TULP4: variants seen among roughly 807,000 people sequenced by gnomAD.
The protein encoded by TULP4 is TUB like protein 4, also known as tubby-related protein 4.
TULP4 carries 16 observed loss-of-function variants against 129.0 expected under a neutral mutation model. That is an observed-to-expected ratio of 0.12 (90% CI 0.08 to 0.19). TULP4 has a LOEUF of 0.19. TULP4 is among the 10% of genes least tolerant of loss of function. The pLI is 1.00. For missense variants in TULP4, 1,842 were observed against 2,059.1 expected (o/e 0.89, Z 2.04); for synonymous variants, 998 against 854.0 (o/e 1.17, Z -2.94).
intron 1 of TULP4, among the ~76,000 whole-genome samples, chr6:158,336,315 G>C (rs7755420): frequency 0.86 from 131,092 of 152,246 alleles, 56,873 homozygotes; most frequent in South Asian, 0.93. Flanking sequence ...ATGTATATTG[G>C]AGACAGTAAT....
chr6:158,365,148 C>T (rs546255832), intron 1 of TULP4, among the ~76,000 whole-genome samples: 12 of 152,054 alleles, frequency 7.9e-5, no homozygotes, highest in Non-Finnish European at 1.5e-4. Flanking sequence ...ATTGCCTCCC[C>T]ACCACTCCTT....
intron 2 of TULP4, among the ~76,000 whole-genome samples, chr6:158,414,645 G>A (rs753364046): frequency 5.6e-4 from 85 of 152,212 alleles, no homozygotes; most frequent in Non-Finnish European, 8.1e-4. Flanking sequence ...GAGTTGGCCT[G>A]TAAAGGTTCT....
intron 3 of TULP4, among the ~76,000 whole-genome samples, chr6:158,439,700 C>CTTTTTTTTTT (rs71030170): frequency 1.6e-4 from 11 of 68,248 alleles, no homozygotes; most frequent in African/African-American, 2.4e-4. Context: ...ACTAGAGTTT[C>CTTTTTTTTTT]TTTTTTTTTT....
intron 6 of TULP4, among the ~76,000 whole-genome samples, chr6:158,471,487 G>A (rs976422302): frequency 5.9e-5 from 9 of 152,236 alleles, no homozygotes; most frequent in Non-Finnish European, 1.2e-4. Context: ...ATGACCTGAG[G>A]CTAGGAAGTG....
At chr6:158,446,345 A>G (rs537670160) in intron 3 of TULP4, among the ~76,000 whole-genome samples, 15 of 152,144 alleles carry the variant, frequency 9.9e-5, no homozygotes, top group African/African-American at 3.1e-4. Flanking sequence ...TTGTCTTCCT[A>G]TGGGAACTGT....
chr6:158,378,485 T>TTTTGTG (rs1554285635), intron 1 of TULP4, among the ~76,000 whole-genome samples: 1 of 51,288 alleles, frequency 1.9e-5, no homozygotes, highest in Non-Finnish European at 3.9e-5. Context: ...TTTTTTTTTT[T>TTTTGTG]GGTGGGGGTG....
intron 8 of TULP4, among the ~76,000 whole-genome samples, chr6:158,484,916 G>A (rs1362127201): frequency 6.6e-6 from 1 of 152,348 alleles, no homozygotes; most frequent in South Asian, 2.1e-4. Context: ...TACAGATTTT[G>A]GATCCAGGAA....
intron 1 of TULP4, among the ~76,000 whole-genome samples, chr6:158,266,217 T>G (rs923295694): frequency 1.3e-5 from 2 of 152,228 alleles, no homozygotes; most frequent in Non-Finnish European, 2.9e-5. Flanking sequence ...TAAAGTGGTT[T>G]TCATAATTAT....
intron 1 of TULP4, among the ~76,000 whole-genome samples, chr6:158,376,940 C>T (rs1193901120): frequency 1.3e-5 from 2 of 152,192 alleles, no homozygotes; most frequent in Non-Finnish European, 2.9e-5. Context: ...ACAGCAACTG[C>T]CTACCTCGAG....
chr6:158,373,321 C>T (rs969636232), intron 1 of TULP4, among the ~76,000 whole-genome samples: 10 of 152,180 alleles, frequency 6.6e-5, no homozygotes, highest in African/African-American at 2.4e-4. Flanking sequence ...GTGACTTGCT[C>T]CCACTGCACT....
At chr6:158,369,876 A>G (rs1435827383) in intron 1 of TULP4, among the ~76,000 whole-genome samples, 4 of 152,246 alleles carry the variant, frequency 2.6e-5, no homozygotes, top group African/African-American at 7.2e-5. Context: ...TACCATGTAC[A>G]TGAGATGCAC....
chr6:158,274,551 C>T (rs952556527), intron 1 of TULP4, among the ~76,000 whole-genome samples: 4 of 151,806 alleles, frequency 2.6e-5, no homozygotes, highest in Admixed American at 2.0e-4. Flanking sequence ...CCAAGGCGGG[C>T]GGATCATGAG....
At chr6:158,354,259 T>C (rs1193046095) in intron 1 of TULP4, among the ~76,000 whole-genome samples, 1 of 152,178 alleles carries the variant, frequency 6.6e-6, no homozygotes, top group Non-Finnish European at 1.5e-5. Flanking sequence ...AGTGAACTAA[T>C]AAGGATAGAA....
intron 10 of TULP4, 99 bp from the exon 11 acceptor site, chr6:158,494,640 TTGCAGTGCACACTC>T: frequency 1.1e-6 from 1 of 950,944 alleles, no homozygotes; most frequent in Non-Finnish European, 1.6e-6. Context: ...TGGGTGTTTC[TTGCAGTGCACACTC>T]GTGGCTTAAG....
chr6:158,275,768 G>A (rs545962053), intron 1 of TULP4, among the ~76,000 whole-genome samples: 1 of 152,268 alleles, frequency 6.6e-6, no homozygotes, highest in East Asian at 1.9e-4. Context: ...CAATAACTTA[G>A]CAAATTAAGA....
intron 2 of TULP4, among the ~76,000 whole-genome samples, chr6:158,416,139 C>G (rs1778204157): frequency 6.6e-6 from 1 of 152,228 alleles, no homozygotes. Flanking sequence ...ATTCTTCCAT[C>G]TTCTCCTTCC....
chr6:158,323,220 G>A (rs1779676740), intron 1 of TULP4, among the ~76,000 whole-genome samples: 1 of 152,174 alleles, frequency 6.6e-6, no homozygotes, highest in African/African-American at 2.4e-5. Context: ...TGACTATACT[G>A]TGAAATGTTT....
intron 1 of TULP4, among the ~76,000 whole-genome samples, chr6:158,334,522 G>A (rs1386758352): frequency 2.9e-4 from 44 of 152,180 alleles, no homozygotes; most frequent in Admixed American, 2.9e-3. Flanking sequence ...ATCAGCAATA[G>A]ACATGAGTAA....
In TULP4 at chr6:158,502,931, G is replaced by A; in HGVS notation, c.3268G>A (p.Glu1090Lys). Residue 1090 changes from glutamate (E) to lysine (K), a missense_variant, in exon 13 of 14, where the codon GAG (glutamate) becomes AAG (lysine). Glu to Lys is a moderately conservative substitution (Grantham distance 56). Coordinates refer to ENST00000367097, the MANE Select transcript of TULP4 (RefSeq NM_020245.5). ...RTDYVNSAFT[E>K]DEALSQHCQL... ...CGACTACGTCAACTCGGCCTTCACGGAGGACGAGGCCCTGTCCCAGCACTG... is the reference window on the plus strand; with the variant it reads ...CGACTACGTCAACTCGGCCTTCACGAAGGACGAGGCCCTGTCCCAGCACTG... The A allele has an allele frequency of 6.2e-7, 1 of 1,614,036 alleles. No homozygotes were observed. The highest frequency in any genetic ancestry group is 8.5e-7 in the Non-Finnish European group (1 of 1,180,008).
Sources: allele counts gnomAD v4.1 joint callset (sites outside exome capture counted in the v4.1 genomes callset), GRCh38; gene constraint gnomAD v4.1.1; transcripts MANE v1.5; gene names NCBI Gene and HGNC (gene_info 2026-07-23, HGNC 2026-07-21).